The following FAF1 variants were observed in gnomAD, a reference collection of about 807,000 sequenced individuals.
FAF1 encodes the protein FAS-associated factor 1.
In FAF1, 25 loss-of-function variants were observed where a neutral mutation model predicts 92.5. The observed-to-expected ratio is 0.27, with a 90% confidence interval of 0.20 to 0.38. FAF1 has a LOEUF of 0.38. FAF1 is among the 10% of genes least tolerant of loss of function. The pLI is 1.00. For synonymous variants in FAF1, 234 were observed against 273.2 expected (o/e 0.86, Z 1.42); for missense variants, 636 against 793.3 (o/e 0.80, Z 2.38).
intron 1 of FAF1, among the ~76,000 whole-genome samples, chr1:50,928,179 T>C (rs1267988353): frequency 1.3e-5 from 2 of 151,808 alleles, no homozygotes; most frequent in Admixed American, 1.3e-4. Context: ...TTTTACTGCA[T>C]GCTCTCTGTC....
intron 2 of FAF1, among the ~76,000 whole-genome samples, chr1:50,843,579 C>T (rs904528844): frequency 1.2e-4 from 18 of 152,242 alleles, no homozygotes; most frequent in African/African-American, 3.1e-4. Flanking sequence ...ATTCTGTTCA[C>T]TACCTCAATG....
intron 15 of FAF1, among the ~76,000 whole-genome samples, chr1:50,497,203 C>T (rs116096835): frequency 0.012 from 1,804 of 151,986 alleles, 36 homozygotes; most frequent in African/African-American, 0.041. Flanking sequence ...CAATGACAGC[C>T]GACTTTTCAT....
chr1:50,802,130 G>A (rs1165686506), intron 2 of FAF1, among the ~76,000 whole-genome samples: 2 of 148,958 alleles, frequency 1.3e-5, no homozygotes, highest in African/African-American at 5.0e-5. Context: ...CACTCTTGTT[G>A]CCCAGGCTGG....
chr1:50,928,571 CAA>C (rs1419297368), intron 1 of FAF1, among the ~76,000 whole-genome samples: 2 of 148,118 alleles, frequency 1.4e-5, no homozygotes, highest in African/African-American at 5.0e-5. Context: ...ATCACAAGGT[CAA>C]GAGTTCGAGA....
chr1:50,875,927 C>T (rs1275383339), intron 1 of FAF1, among the ~76,000 whole-genome samples: 1 of 152,174 alleles, frequency 6.6e-6, no homozygotes, highest in Admixed American at 6.5e-5. Context: ...CCATCCTTTT[C>T]CTCAAAAAGA....
At chr1:50,487,000 T>C (rs1361947163) in intron 17 of FAF1, among the ~76,000 whole-genome samples, 1 of 152,202 alleles carries the variant, frequency 6.6e-6, no homozygotes, top group Non-Finnish European at 1.5e-5. Flanking sequence ...ATGATTTTAC[T>C]ATATTGTACT....
chr1:50,959,716 C>T lies in FAF1; in HGVS notation c.45+51G>A, dbSNP rs765857226. On this transcript the variant is annotated intron_variant, in intron 1 of 18. Transcript: ENST00000396153. ...TGGGAAGAAGACTCCCTTGTGGCAC[C>T]GGAAACCCACGAGGTTGGAAGTGGG... 1.2e-5 allele frequency: 18 copies of T among 1,534,872 alleles called. No individual in the cohort carries two copies. In the Middle Eastern group the frequency reaches 1.0e-3, roughly 88 times the overall value.
At chr1:50,455,192 C>A (rs1231017175) in intron 18 of FAF1, among the ~76,000 whole-genome samples, 4 of 152,218 alleles carry the variant, frequency 2.6e-5, no homozygotes, top group Non-Finnish European at 5.9e-5. Context: ...AAGTCTGCAT[C>A]AGTTGCCCTT....
At chr1:50,573,120 T>C (rs1156405368) in intron 12 of FAF1, among the ~76,000 whole-genome samples, 2 of 151,998 alleles carry the variant, frequency 1.3e-5, no homozygotes, top group Non-Finnish European at 2.9e-5. Flanking sequence ...TTTTTTTTTT[T>C]TTTGAGACAG....
intron 13 of FAF1, among the ~76,000 whole-genome samples, chr1:50,554,574 T>G (rs796546354): frequency 6.6e-6 from 1 of 152,018 alleles, no homozygotes; most frequent in Non-Finnish European, 1.5e-5. Context: ...ATATTCCTTG[T>G]TACAAAACGA....
At chr1:50,677,760 G>A (rs1480790027) in intron 7 of FAF1, among the ~76,000 whole-genome samples, 1 of 151,642 alleles carries the variant, frequency 6.6e-6, no homozygotes, top group Non-Finnish European at 1.5e-5. Flanking sequence ...TGGGCATGGT[G>A]GGCGCATGCC....
chr1:50,749,000 G>A (rs781082598), intron 4 of FAF1, among the ~76,000 whole-genome samples: 10 of 152,300 alleles, frequency 6.6e-5, no homozygotes, highest in Middle Eastern at 3.4e-3. Flanking sequence ...ACTTTGGATA[G>A]TGATTAACTA....
chr1:50,513,495 A>C (rs566419383), intron 15 of FAF1, among the ~76,000 whole-genome samples: 46 of 152,258 alleles, frequency 3.0e-4, no homozygotes, highest in African/African-American at 1.1e-3. Flanking sequence ...TGTCTCAAAA[A>C]AAAAGAATTC....
chr1:50,780,916 AG>A (rs1180024863), intron 4 of FAF1: 1 of 489,976 alleles, frequency 2.0e-6, no homozygotes, highest in Non-Finnish European at 4.1e-6. Context: ...GGAAGCAGAC[AG>A]GGCCAGAATT....
chr1:50,866,507 A>ATCAAAT (rs1028916923), intron 1 of FAF1, among the ~76,000 whole-genome samples: 3 of 152,170 alleles, frequency 2.0e-5, no homozygotes, highest in Non-Finnish European at 4.4e-5. Context: ...AGGATACAAA[A>ATCAAAT]TCAAATACAC....
At chr1:50,678,747 T>C (rs1656270667) in intron 7 of FAF1, among the ~76,000 whole-genome samples, 1 of 111,794 alleles carries the variant, frequency 8.9e-6, no homozygotes, top group Non-Finnish European at 1.6e-5. Context: ...GCCACTGCAC[T>C]CCAGACTGGT....
intron 13 of FAF1, among the ~76,000 whole-genome samples, chr1:50,549,461 A>T (rs532059950): frequency 6.6e-6 from 1 of 152,028 alleles, no homozygotes; most frequent in Admixed American, 6.5e-5. Context: ...GGCATGCACC[A>T]CCATGCCCAG....
intron 8 of FAF1, among the ~76,000 whole-genome samples, chr1:50,597,580 T>C (rs1651881580): frequency 6.6e-6 from 1 of 152,124 alleles, no homozygotes; most frequent in Non-Finnish European, 1.5e-5. Context: ...AATTTGACAA[T>C]TATACTACAT....
intron 6 of FAF1, among the ~76,000 whole-genome samples, chr1:50,726,859 T>C (rs967829746): frequency 1.2e-4 from 18 of 152,058 alleles, no homozygotes; most frequent in Admixed American, 9.2e-4. Context: ...AAAATGTACA[T>C]AATTAAAATG....
Sources: allele counts gnomAD v4.1 joint callset (sites outside exome capture counted in the v4.1 genomes callset), GRCh38; gene constraint gnomAD v4.1.1; transcripts MANE v1.5; gene names NCBI Gene and HGNC (gene_info 2026-07-23, HGNC 2026-07-21).